Variants in TNFSF11 observed in about 807,000 individuals in gnomAD.
TNFSF11 encodes the protein tumor necrosis factor ligand superfamily member 11.
TNFSF11 carries 12 observed loss-of-function variants against 32.2 expected under a neutral mutation model. That is an observed-to-expected ratio of 0.37 (90% confidence interval 0.24 to 0.60). The LOEUF (loss-of-function observed/expected upper bound fraction) is 0.60. Among genes scored for constraint, TNFSF11 ranks in the 20% least tolerant of loss-of-function variants. TNFSF11 has a pLI of 0.66. For synonymous variants in TNFSF11, 172 were observed against 152.1 expected (o/e 1.13, Z -0.96); for missense variants, 345 against 398.0 (o/e 0.87, Z 1.13).
rs1873178735 is a variant in TNFSF11, at chr13:42,574,167, C to A, written c.-137C>A. ...CGGGCGCCCTGCCCGCTCGCCCGCG[C>A]GCCCCAGGACCCAAAGCCGGGCTCC... On this transcript the variant is annotated 5_prime_UTR_variant, in exon 1 of 5. Transcript: ENST00000398795. 8.2e-7 allele frequency: 1 copy of A among 1,213,012 alleles called. No individual in the cohort carries two copies. Among genetic ancestry groups the A allele is most frequent in the South Asian group, 1.4e-5 (1 of 73,882 alleles). The allele number at this position is 1,213,012 out of a possible 1,614,324, so 75.1% of individuals were successfully genotyped here.
At chr13:42,564,905 A>G (rs1872813902) in intron 1 of TNFSF11, among the ~76,000 whole-genome samples, 1 of 152,194 alleles carries the variant, frequency 6.6e-6, no homozygotes, top group South Asian at 2.1e-4. Flanking sequence ...ACACTAGAAG[A>G]TCTCTCTCTA....
At chr13:42,597,600 G>A (rs1203742304) in intron 2 of TNFSF11, among the ~76,000 whole-genome samples, 1 of 152,102 alleles carries the variant, frequency 6.6e-6, no homozygotes, top group Non-Finnish European at 1.5e-5. Flanking sequence ...CTGTGCCTCT[G>A]TGAATCTTTG....
intron 2 of TNFSF11, among the ~76,000 whole-genome samples, chr13:42,596,337 G>A (rs754091291): frequency 7.2e-5 from 11 of 152,056 alleles, no homozygotes; most frequent in East Asian, 1.9e-4. Flanking sequence ...CTGATGTCCC[G>A]GCTCCTTTTT....
At chr13:42,569,977 T>A (rs1343146060), upstream of TNFSF11, among the ~76,000 whole-genome samples, 1 of 152,062 alleles carries the variant, frequency 6.6e-6, no homozygotes, top group Non-Finnish European at 1.5e-5. Context: ...TATGAATTAT[T>A]TATAAAATTA....
At chr13:42,605,028 C>G (rs1566390548) in intron 4 of TNFSF11, among the ~76,000 whole-genome samples, 2 of 152,198 alleles carry the variant, frequency 1.3e-5, no homozygotes, top group Admixed American at 1.3e-4. Flanking sequence ...CATGATCCAC[C>G]CACCTCAGCC....
At chr13:42,597,528 A>G (rs1868886231) in intron 2 of TNFSF11, among the ~76,000 whole-genome samples, 1 of 152,142 alleles carries the variant, frequency 6.6e-6, no homozygotes, top group Non-Finnish European at 1.5e-5. Context: ...TGTCCGTTGC[A>G]TCGGTGGCTT....
intron 2 of TNFSF11, among the ~76,000 whole-genome samples, chr13:42,582,598 A>G (rs1396260197): frequency 1.3e-5 from 2 of 152,238 alleles, no homozygotes; most frequent in Non-Finnish European, 1.5e-5. Context: ...TGAAGTACCT[A>G]TTAGTTTAAT....
chr13:42,597,250 A>C (rs905768493), intron 2 of TNFSF11, among the ~76,000 whole-genome samples: 2 of 152,010 alleles, frequency 1.3e-5, no homozygotes, highest in Non-Finnish European at 2.9e-5. Flanking sequence ...GCAATCCTTC[A>C]ACACCCAAAA....
At chr13:42,578,211 C>T (rs1045529316) in intron 1 of TNFSF11, among the ~76,000 whole-genome samples, 2 of 152,226 alleles carry the variant, frequency 1.3e-5, no homozygotes, top group Non-Finnish European at 2.9e-5. Context: ...ATTTTTCAAT[C>T]ATGCAATCCT....
chr13:42,592,771 A>T (rs1388855907), intron 2 of TNFSF11, among the ~76,000 whole-genome samples: 1 of 152,174 alleles, frequency 6.6e-6, no homozygotes, highest in Non-Finnish European at 1.5e-5. Context: ...TAATTGGATC[A>T]TGGGGGGTGG....
chr13:42,602,099 T>C (rs1453212371), intron 4 of TNFSF11, among the ~76,000 whole-genome samples: 2 of 152,250 alleles, frequency 1.3e-5, no homozygotes, highest in East Asian at 1.9e-4. Flanking sequence ...AGTAGATTCA[T>C]GTGACGTCTA....
chr13:42,603,346 T>C (rs1869277682), intron 4 of TNFSF11, among the ~76,000 whole-genome samples: 1 of 152,132 alleles, frequency 6.6e-6, no homozygotes, highest in South Asian at 2.1e-4. Flanking sequence ...GACTGAAGTG[T>C]AGGGCAGGGG....
chr13:42,589,619 T>C (rs529979125), intron 2 of TNFSF11, among the ~76,000 whole-genome samples: 3 of 152,200 alleles, frequency 2.0e-5, no homozygotes, highest in Non-Finnish European at 1.5e-5. Context: ...GAATGCTCCA[T>C]GTCATCGCCT....
chr13:42,584,065 A>G (rs992627574), intron 2 of TNFSF11, among the ~76,000 whole-genome samples: 4 of 152,198 alleles, frequency 2.6e-5, no homozygotes, highest in Non-Finnish European at 5.9e-5. Context: ...TAAACATAAC[A>G]AGAAATGTAC....
chr13:42,585,384 T>G (rs535708310), intron 2 of TNFSF11, among the ~76,000 whole-genome samples: 53 of 152,312 alleles, frequency 3.5e-4, no homozygotes, highest in Admixed American at 1.5e-3. Context: ...ATTATATGTG[T>G]GCGAAAAGTG....
At chr13:42,594,374 CACCAGGCCTATTTATATT>C (rs1482872651) in intron 2 of TNFSF11, among the ~76,000 whole-genome samples, 77 of 151,862 alleles carry the variant, frequency 5.1e-4, no homozygotes, top group African/African-American at 1.7e-3. Context: ...TGAGCCACTG[CACCAGGCCTATTTATATT>C]ACTTTGTAAG....
chr13:42,593,746 A>G (rs1196726404), intron 2 of TNFSF11, among the ~76,000 whole-genome samples: 3 of 152,254 alleles, frequency 2.0e-5, no homozygotes, highest in Admixed American at 6.5e-5. Flanking sequence ...TAACAAGTGT[A>G]TGAACCCTGT....
intron 2 of TNFSF11, among the ~76,000 whole-genome samples, chr13:42,585,379 A>G (rs1359967095): frequency 2.0e-5 from 3 of 152,186 alleles, no homozygotes; most frequent in Non-Finnish European, 4.4e-5. Context: ...ATCACATTAT[A>G]TGTGTGCGAA....
At chr13:42,572,155 G>C (rs906860661), upstream of TNFSF11, among the ~76,000 whole-genome samples, 5 of 152,144 alleles carry the variant, frequency 3.3e-5, no homozygotes, top group African/African-American at 1.2e-4. Flanking sequence ...GACATTTTTG[G>C]AGTACTAGTA....
Sources: gnomAD v4.1 joint callset for allele counts (sites outside exome capture counted in the v4.1 genomes callset) on GRCh38, gnomAD v4.1.1 for gene constraint, MANE v1.5 for transcripts, NCBI Gene and HGNC (gene_info 2026-07-23, HGNC 2026-07-21) for gene names.